The following UNC80 variants were observed in gnomAD, a reference collection of about 807,000 sequenced individuals.
UNC80 encodes the protein protein unc-80 homolog.
In UNC80, 164 loss-of-function variants were observed where a neutral mutation model predicts 384.6. The observed-to-expected ratio is 0.43, with a 90% CI of 0.38 to 0.49. The LOEUF is 0.49. Ranked by LOEUF, UNC80 falls within the 20% of genes least tolerant of loss-of-function variation. The pLI is 0.00. For missense variants in UNC80, 3,330 were observed against 4,143.0 expected, an observed-to-expected ratio of 0.80 and a Z score of 5.39; for synonymous variants, 1,486 against 1,527.8, an observed-to-expected ratio of 0.97 and a Z score of 0.64.
intron 53 of UNC80, 81 bp downstream of exon 53, chr2:209,969,972 G>T: frequency 6.6e-7 from 1 of 1,506,172 alleles, no homozygotes; most frequent in South Asian, 1.3e-5. Flanking sequence ...AGATTTACAG[G>T]TCAACCACTT....
intron 13 of UNC80, among the ~76,000 whole-genome samples, chr2:209,820,962 T>A (rs967275896): frequency 3.9e-5 from 6 of 152,248 alleles, no homozygotes; most frequent in African/African-American, 1.4e-4. Context: ...TATGTTGCCA[T>A]AATTCTCAGT....
chr2:209,866,533 C>CACAT (rs1307214321), intron 22 of UNC80, among the ~76,000 whole-genome samples: 4 of 104,086 alleles, frequency 3.8e-5, no homozygotes, highest in South Asian at 3.2e-4. Context: ...CACACACACA[C>CACAT]AGAGAGAGAG....
intron 28 of UNC80, among the ~76,000 whole-genome samples, chr2:209,901,854 G>A (rs1296089228): frequency 3.3e-5 from 5 of 152,066 alleles, no homozygotes; most frequent in South Asian, 2.1e-4. Context: ...GCATGAACCC[G>A]GGAGGCGAAG....
chr2:209,799,631 G>C (rs772560473), intron 7 of UNC80, among the ~76,000 whole-genome samples: 1 of 152,122 alleles, frequency 6.6e-6, no homozygotes, highest in Non-Finnish European at 1.5e-5. Flanking sequence ...GGTAAGAGAG[G>C]GCATCCTTAT....
At chr2:209,901,559 C>A (rs1370251830) in intron 28 of UNC80, among the ~76,000 whole-genome samples, 4 of 152,286 alleles carry the variant, frequency 2.6e-5, no homozygotes, top group Admixed American at 2.6e-4. Flanking sequence ...TGCTTTCATG[C>A]CTGCTAATGC....
chr2:209,903,564 C>T (rs56251840), intron 28 of UNC80, among the ~76,000 whole-genome samples: 23 of 1,418 alleles, frequency 0.016, no homozygotes, highest in African/African-American at 0.032. Context: ...TATATATATA[C>T]TATATATATA....
intron 29 of UNC80, among the ~76,000 whole-genome samples, chr2:209,912,228 A>C (rs2089030837): frequency 6.6e-6 from 1 of 152,196 alleles, no homozygotes; most frequent in Non-Finnish European, 1.5e-5. Context: ...TAGCCCTGAA[A>C]TGGAAATGGG....
intron 52 of UNC80, 161 bp from the exon 53 acceptor site, chr2:209,969,607 T>C: frequency 1.0e-6 from 1 of 956,984 alleles, no homozygotes; most frequent in Non-Finnish European, 1.5e-6. Context: ...CAGTATCTTC[T>C]TCCCCTCCCA....
intron 22 of UNC80, among the ~76,000 whole-genome samples, chr2:209,860,445 AAGTC>A: frequency 6.6e-6 from 1 of 151,880 alleles, no homozygotes; most frequent in South Asian, 2.1e-4. Flanking sequence ...TTGTAGTTTG[AAGTC>A]AGTCAGCATT....
rs2091612601 is a variant in UNC80 at position 209,941,261 on chromosome 2, C to T, written c.6687C>T (p.Ser2229=). 2 of 1,536,844 alleles carry T rather than the reference C, an allele frequency of 1.3e-6. No individual in the cohort carries two copies. The highest frequency in any genetic ancestry group is 1.4e-5 in the African/African-American group (1 of 72,826). The part of the protein sequence containing the change: ...ELFGLDTLQK[S]LWIQLLEEMF... ...TTGGCCTCGACACTCTTCAGAAAAG[C>T]TTGTGGATCCAGCTGCTGGAGGAAA... Residue 2229 remains serine, a synonymous_variant, in exon 44 of 65, where the codon AGC becomes AGT. Transcript: ENST00000673920.
At chr2:209,806,433 C>T (rs1275361129) in intron 7 of UNC80, among the ~76,000 whole-genome samples, 1 of 152,196 alleles carries the variant, frequency 6.6e-6, no homozygotes, top group Non-Finnish European at 1.5e-5. Flanking sequence ...CATTCCCTGA[C>T]ATATATGTGC....
chr2:209,777,965 G>A (rs183873171), intron 4 of UNC80, among the ~76,000 whole-genome samples: 132 of 152,062 alleles, frequency 8.7e-4, no homozygotes, highest in African/African-American at 2.8e-3. Flanking sequence ...TCCTTTCCCC[G>A]CTCTATTCCT....
chr2:209,984,885 G>C lies in UNC80; in HGVS notation c.9287G>C (p.Gly3096Ala). 1.3e-6 allele frequency: 2 copies of C among 1,550,406 alleles called. No homozygotes were observed. The highest frequency in any genetic ancestry group is 8.7e-7 in the Non-Finnish European group (1 of 1,146,540). Residue 3096 changes from glycine to alanine, a missense_variant, in exon 61 of 65, where the codon GGC becomes GCC. Physicochemically the swap from Gly to Ala is moderately conservative, Grantham distance 60 (BLOSUM62 0). Transcript: ENST00000673920. ...SEPNVLDDSQ[G>A]LAAEGSLSRV... ...CCTAATGTCCTCGATGACTCCCAGG[G>C]CCTGGCCGCCGAGGGCAGCCTCTCT...
intron 2 of UNC80, among the ~76,000 whole-genome samples, chr2:209,774,078 A>T (rs2076731866): frequency 6.6e-6 from 1 of 152,198 alleles, no homozygotes; most frequent in African/African-American, 2.4e-5. Context: ...ACCAATTTGG[A>T]TATTGCCATG....
At chr2:209,815,552 T>C (rs560562538) in intron 9 of UNC80, among the ~76,000 whole-genome samples, 161 bp downstream of exon 9, 156 of 152,288 alleles carry the variant, frequency 1.0e-3, no homozygotes, top group Non-Finnish European at 1.8e-3. Flanking sequence ...AGCATACCCC[T>C]GTGCAAGTCC....
At chr2:209,877,679 T>C (rs1012758292) in intron 23 of UNC80, among the ~76,000 whole-genome samples, 1 of 152,188 alleles carries the variant, frequency 6.6e-6, no homozygotes, top group Non-Finnish European at 1.5e-5. Flanking sequence ...TTTGAGTAAA[T>C]GGAAATATTT....
intron 22 of UNC80, among the ~76,000 whole-genome samples, chr2:209,866,545 G>C (rs1180048077): frequency 1.3e-4 from 19 of 144,178 alleles, no homozygotes; most frequent in African/African-American, 2.5e-4. Context: ...GAGAGAGAGA[G>C]AGAGAGAGAG....
At chr2:209,889,556 A>G (rs1288627282) in intron 26 of UNC80, among the ~76,000 whole-genome samples, 3 of 152,086 alleles carry the variant, frequency 2.0e-5, no homozygotes, top group Non-Finnish European at 4.4e-5. Flanking sequence ...TGTTTGTTAC[A>G]TAGGTATAGA....
At chr2:209,902,882 CT>C (rs970107928) in intron 28 of UNC80, among the ~76,000 whole-genome samples, 24 of 150,468 alleles carry the variant, frequency 1.6e-4, no homozygotes, top group African/African-American at 5.6e-4. Context: ...CTCTCAATAT[CT>C]CCAAGGTATG....
Sources: gnomAD v4.1 joint callset for allele counts (sites outside exome capture counted in the v4.1 genomes callset) on GRCh38, gnomAD v4.1.1 for gene constraint, MANE v1.5 for transcripts, NCBI Gene and HGNC (gene_info 2026-07-23, HGNC 2026-07-21) for gene names.